The following MRPL1 variants were observed in gnomAD, a reference collection of about 807,000 sequenced individuals.
MRPL1 encodes the protein large ribosomal subunit protein uL1m.
In MRPL1, 28 loss-of-function variants were observed where a neutral mutation model predicts 38.0. The observed-to-expected ratio is 0.74, with a 90% CI of 0.55 to 1.01. The LOEUF (loss-of-function observed/expected upper bound fraction) is 1.01, where lower values mean the gene tolerates loss of function less well. Ranked by LOEUF, MRPL1 falls within the 50% of genes least tolerant of loss-of-function variation. The pLI, the probability that MRPL1 is intolerant of heterozygous loss-of-function variation, is 0.00. For synonymous variants in MRPL1, 123 were observed against 126.7 expected (o/e 0.97, Z 0.20); for missense variants, 358 against 389.8 (o/e 0.92, Z 0.69).
intron 6 of MRPL1, among the ~76,000 whole-genome samples, chr4:77,894,998 T>C (rs192684909): frequency 6.6e-6 from 1 of 152,274 alleles, no homozygotes; most frequent in Admixed American, 6.5e-5. Flanking sequence ...TCTTTGACTG[T>C]GGGGAGTGGT....
chr4:77,922,810 G>A (rs1210579459), intron 7 of MRPL1, among the ~76,000 whole-genome samples: 1 of 152,178 alleles, frequency 6.6e-6, no homozygotes, highest in Admixed American at 6.5e-5. Context: ...ATAGGCGGAA[G>A]GGTTATTATC....
intron 7 of MRPL1, among the ~76,000 whole-genome samples, chr4:77,931,529 G>A (rs2110259680): frequency 6.6e-6 from 1 of 152,302 alleles, no homozygotes; most frequent in Admixed American, 6.5e-5. Context: ...TTCTACTGAC[G>A]TTAGCAAGGC....
intron 6 of MRPL1, among the ~76,000 whole-genome samples, chr4:77,901,846 T>G (rs534843060): frequency 6.6e-6 from 1 of 152,212 alleles, no homozygotes; most frequent in African/African-American, 2.4e-5. Context: ...ACACTCTTAG[T>G]CATCTTGGCC....
At chr4:77,926,124 T>C (rs1736706926) in intron 7 of MRPL1, among the ~76,000 whole-genome samples, 1 of 152,202 alleles carries the variant, frequency 6.6e-6, no homozygotes. Flanking sequence ...ATGTTAGTGG[T>C]GAGCTTGGGG....
chr4:77,899,852 TAGC>T (rs1450996428), intron 6 of MRPL1, among the ~76,000 whole-genome samples: 3 of 152,176 alleles, frequency 2.0e-5, no homozygotes. Context: ...AGCAGTTAAA[TAGC>T]AGTAAGGGAT....
intron 6 of MRPL1, among the ~76,000 whole-genome samples, chr4:77,902,407 C>T (rs926416256): frequency 2.1e-5 from 3 of 141,702 alleles, no homozygotes; most frequent in Admixed American, 7.0e-5. Flanking sequence ...AAAAAAAAAC[C>T]GAGTTAGAAA....
chr4:77,898,530 T>C lies in MRPL1; in HGVS notation c.670+4280T>C, dbSNP rs796139547. On this transcript the variant is annotated intron_variant, in intron 6 of 8. Transcript: ENST00000315567. ...TTTTTGAGACGGAGTTTTGCTCTGT[T>C]GCCCAGGCTGGAGCGCAGTGGCACA... is the stretch of plus-strand genomic sequence containing the variant. Among the ~76,000 whole-genome samples, 6 of 152,146 alleles carry C rather than the reference T, an allele frequency of 3.9e-5. No individual in the cohort carries two copies. The East Asian group carries it at 9.6e-4, about 24-fold the overall frequency.
chr4:77,928,201 T>C (rs985931936), intron 7 of MRPL1, among the ~76,000 whole-genome samples: 1 of 152,188 alleles, frequency 6.6e-6, no homozygotes, highest in East Asian at 1.9e-4. Context: ...CTATAAACAA[T>C]AGTAAAATCT....
chr4:77,949,699 A>G, intron 7 of MRPL1, 98 bp from the exon 8 acceptor site: 1 of 761,544 alleles, frequency 1.3e-6, no homozygotes, highest in Non-Finnish European at 2.1e-6. Context: ...CATTTACTAG[A>G]TAATTTGCAT....
intron 1 of MRPL1, 144 bp downstream of exon 1, chr4:77,863,023 T>C: frequency 1.0e-6 from 1 of 987,942 alleles, no homozygotes; most frequent in South Asian, 1.4e-5. Context: ...GGTGGGTCAT[T>C]ACTACTTAAA....
At chr4:77,910,436 GAC>G (rs1180334973) in intron 7 of MRPL1, among the ~76,000 whole-genome samples, 2 of 152,144 alleles carry the variant, frequency 1.3e-5, no homozygotes, top group African/African-American at 4.8e-5. Flanking sequence ...AAAGCTGAGT[GAC>G]ACAGCCTAGG....
chr4:77,901,802 C>T (rs1013319531), intron 6 of MRPL1, among the ~76,000 whole-genome samples: 1 of 152,090 alleles, frequency 6.6e-6, no homozygotes, highest in African/African-American at 2.4e-5. Context: ...AACATATAGA[C>T]AGAAAATTAG....
At chr4:77,879,449 G>T (rs946819039) in intron 2 of MRPL1, among the ~76,000 whole-genome samples, 1 of 152,142 alleles carries the variant, frequency 6.6e-6, no homozygotes, top group South Asian at 2.1e-4. Context: ...ACCCAACTCA[G>T]ACTCTTTATG....
At chr4:77,874,894 G>C (rs552398386) in intron 2 of MRPL1, among the ~76,000 whole-genome samples, 2 of 150,498 alleles carry the variant, frequency 1.3e-5, no homozygotes, top group Admixed American at 1.3e-4. Flanking sequence ...CGATTCTCCT[G>C]CCTCAGCCTC....
chr4:77,924,984 TGA>T (rs1736678015), intron 7 of MRPL1, among the ~76,000 whole-genome samples: 1 of 152,146 alleles, frequency 6.6e-6, no homozygotes, highest in African/African-American at 2.4e-5. Flanking sequence ...AAATTTCAAA[TGA>T]GTAGAAAAGT....
At chr4:77,894,887 A>G (rs2110240970) in intron 6 of MRPL1, among the ~76,000 whole-genome samples, 1 of 152,254 alleles carries the variant, frequency 6.6e-6, no homozygotes, top group South Asian at 2.1e-4. Flanking sequence ...AGTTGGATGA[A>G]TTGATTGAGG....
chr4:77,919,518 CAAAG>C (rs1350077404), intron 7 of MRPL1, among the ~76,000 whole-genome samples: 1 of 151,936 alleles, frequency 6.6e-6, no homozygotes, highest in Non-Finnish European at 1.5e-5. Context: ...ATTTCAAAAA[CAAAG>C]AAAAGTGATA....
At chr4:77,921,367 G>A (rs1293906714) in intron 7 of MRPL1, among the ~76,000 whole-genome samples, 4 of 152,174 alleles carry the variant, frequency 2.6e-5, no homozygotes, top group Non-Finnish European at 5.9e-5. Flanking sequence ...GTGTGTGTAT[G>A]TGTGGCTATT....
chr4:77,885,040 A>G (rs1735641349), intron 3 of MRPL1, among the ~76,000 whole-genome samples: 1 of 152,130 alleles, frequency 6.6e-6, no homozygotes, highest in South Asian at 2.1e-4. Context: ...ATCTTGAAAA[A>G]GTTTCTTGAA....
Sources: gnomAD v4.1 joint callset for allele counts (sites outside exome capture counted in the v4.1 genomes callset) on GRCh38, gnomAD v4.1.1 for gene constraint, MANE v1.5 for transcripts, NCBI Gene and HGNC (gene_info 2026-07-23, HGNC 2026-07-21) for gene names.